EPHA8: variants seen among roughly 807,000 people sequenced by gnomAD.
The protein encoded by EPHA8 is ephrin type-A receptor 8.
EPHA8 carries 58 observed loss-of-function variants against 103.6 expected under a neutral mutation model. The observed-to-expected ratio is 0.56, with a 90% confidence interval of 0.45 to 0.70. The LOEUF (loss-of-function observed/expected upper bound fraction) is 0.70. Ranked by LOEUF, EPHA8 falls within the 30% of genes least tolerant of loss-of-function variation. The probability of loss-of-function intolerance (pLI) is 0.00; values close to 1 mark genes in which losing one functional copy is unlikely to be tolerated. For synonymous variants in EPHA8, 559 were observed against 572.5 expected, an observed-to-expected ratio of 0.98 and a Z score of 0.34; for missense variants, 1,304 against 1,395.2, an observed-to-expected ratio of 0.93 and a Z score of 1.04.
Position 22,598,730 on chromosome 1 carries a change from C to A in EPHA8, c.2179-108C>A. On this transcript the variant is annotated intron_variant, in intron 12 of 16. Coordinates refer to ENST00000166244, the MANE Select transcript of EPHA8 (RefSeq NM_020526.5). The surrounding 1 kb of genome is among the most constrained non-coding windows in gnomAD (Gnocchi z 5.1). The stretch of plus-strand genomic sequence containing the variant: ...AAGTAGTGGCGCACTTGGCAAATTG[C>A]AAAGCACCGTCTCAACTCGAGAGCA... 8.6e-7 allele frequency: 1 copy of A among 1,168,722 alleles called. No individual in the cohort carries two copies. Among genetic ancestry groups the A allele is most frequent in the Non-Finnish European group, 1.2e-6 (1 of 826,536 alleles). The allele number at this position is 1,168,722 out of a possible 1,614,324, so 72.4% of individuals were successfully genotyped here.
In EPHA8 at chr1:22,597,929, T is replaced by C; in HGVS notation, c.2116+68T>C. The C allele has an allele frequency of 6.4e-7, 1 of 1,551,584 alleles. No homozygotes were observed. The highest frequency in any genetic ancestry group is 8.8e-7 in the Non-Finnish European group (1 of 1,140,842). ...CTGCCTGGAGAGGCCTCTGGGTCCA[T>C]CCCCTCATCCATCCTGCTCTGCCCC... On this transcript the variant is annotated intron_variant, in intron 11 of 16. Coordinates refer to ENST00000166244, the MANE Select transcript of EPHA8 (RefSeq NM_020526.5). The surrounding 1 kb of genome is among the most constrained non-coding windows in gnomAD (Gnocchi z 4.6).
In EPHA8 at chr1:22,600,932, C is replaced by G; in HGVS notation, c.2573C>G (p.Pro858Arg). The G allele has an allele frequency of 1.2e-6, 2 of 1,611,672 alleles. No homozygotes were observed. Among genetic ancestry groups the G allele is most frequent in the Non-Finnish European group, 1.7e-6 (2 of 1,179,170 alleles). Residue 858 changes from proline (P) to arginine (R), a missense_variant, in exon 15 of 17, where the codon CCC becomes CGC. Transcript: ENST00000166244. ...TCTGTGGAGGAGGGGTACCGCCTGCCCGCACCCATGGGCTGCCCCCACGCC... is the reference window on the plus strand; with the variant it reads ...TCTGTGGAGGAGGGGTACCGCCTGCGCGCACCCATGGGCTGCCCCCACGCC... ...ISSVEEGYRLPAPMGCPHALH... is the reference protein window; with the variant it reads ...ISSVEEGYRLRAPMGCPHALH...
intron 5 of EPHA8, among the ~76,000 whole-genome samples, chr1:22,590,219 GC>G (rs1235976802): frequency 6.6e-6 from 1 of 152,160 alleles, no homozygotes; most frequent in Non-Finnish European, 1.5e-5. Context: ...CCCAGCCCTG[GC>G]CCACCTGTCT....
intron 4 of EPHA8, 142 bp downstream of exon 4, chr1:22,586,777 A>AGGTGG: frequency 7.3e-5 from 68 of 930,760 alleles, no homozygotes; most frequent in African/African-American, 8.5e-5. Context: ...GGCCAGTCTG[A>AGGTGG]GGTGGGGGGG....
At chr1:22,588,741 G>A (rs1360269653) in intron 4 of EPHA8, 130 bp from the exon 5 acceptor site, 1 of 1,472,712 alleles carries the variant, frequency 6.8e-7, no homozygotes, top group African/African-American at 1.4e-5. Context: ...GAGTAGATGT[G>A]GACCTTATCC....
chr1:22,576,987 A>T lies in EPHA8; in HGVS notation c.823+107A>T, dbSNP rs570340378. 1.6e-6 allele frequency: 2 copies of T among 1,274,326 alleles called. No individual in the cohort carries two copies. The highest frequency in any genetic ancestry group is 5.5e-5 in the Admixed American group (2 of 36,376). 78.9% of individuals were successfully genotyped at this position (1,274,326 alleles called of 1,614,324 possible). On this transcript the variant is annotated intron_variant, in intron 3 of 16. Coordinates refer to ENST00000166244, the MANE Select transcript of EPHA8 (RefSeq NM_020526.5). This position sits in a 1 kb window ranked among gnomAD's most constrained non-coding sequence, Gnocchi z 4.8. ...GTCAGAGCCCACAGGCACCTGAGTG[A>T]CCCACACAGCCCCTGGGAAGATGGA...
intron 2 of EPHA8, among the ~76,000 whole-genome samples, chr1:22,570,713 C>G (rs1410615433): frequency 2.0e-5 from 3 of 152,266 alleles, no homozygotes; most frequent in Admixed American, 6.5e-5. Context: ...CTCCCGGGAG[C>G]TGGGGGCAGG....
intron 2 of EPHA8, among the ~76,000 whole-genome samples, chr1:22,574,534 C>G (rs998688478): frequency 6.6e-6 from 1 of 152,206 alleles, no homozygotes; most frequent in Non-Finnish European, 1.5e-5. Context: ...ATCTGACTAT[C>G]TAGGTACTGC....
rs1162359849 is a variant in EPHA8 at position 22,597,948 on chromosome 1, C to G, written c.2116+87C>G. 5 of 1,514,290 alleles carry G rather than the reference C, an allele frequency of 3.3e-6. No homozygotes were observed. The highest frequency in any genetic ancestry group is 1.2e-5 in the South Asian group (1 of 82,046). 93.8% of individuals were successfully genotyped at this position (1,514,290 alleles called of 1,614,324 possible). A position where few individuals can be genotyped will look rare whatever the true frequency, so the allele number is the denominator to read the frequency against. ...GGTCCATCCCCTCATCCATCCTGCT[C>G]TGCCCCACCTGACCCTGTCCTCTTG... On this transcript the variant is annotated intron_variant, in intron 11 of 16. Transcript: ENST00000166244. The surrounding 1 kb of genome is among the most constrained non-coding windows in gnomAD (Gnocchi z 4.6).
At chr1:22,583,159 C>T (rs997294169) in intron 3 of EPHA8, among the ~76,000 whole-genome samples, 5 of 152,316 alleles carry the variant, frequency 3.3e-5, no homozygotes, top group African/African-American at 4.8e-5. Context: ...GCCCAACACC[C>T]GGGCACGTGC....
intron 2 of EPHA8, among the ~76,000 whole-genome samples, chr1:22,573,203 T>G (rs963225897): frequency 1.3e-5 from 2 of 152,102 alleles, no homozygotes; most frequent in African/African-American, 4.8e-5. Flanking sequence ...CTGGGGCCCC[T>G]TTGGAAGCAG....
chr1:22,597,831 A>G lies in EPHA8; in HGVS notation c.2086A>G (p.Ile696Val), dbSNP rs765456520. The G allele has an allele frequency of 1.9e-6, 3 of 1,612,310 alleles. No homozygotes were observed. Among genetic ancestry groups the G allele is most frequent in the East Asian group, 4.5e-5 (2 of 44,872 alleles). Residue 696 changes from isoleucine to valine, a missense_variant, in exon 11 of 17, where the codon ATC becomes GTC. Ile to Val is a conservative substitution (Grantham distance 29). Coordinates refer to ENST00000166244, the MANE Select transcript of EPHA8 (RefSeq NM_020526.5). This position sits in a 1 kb window ranked among gnomAD's most constrained non-coding sequence, Gnocchi z 4.6. Reference sequence around the variant, plus strand: ...CATGGGGCAATTCGACCATCCCAACATCATCCGCCTCGAGGGTGTCGTCAC... The same window carrying G: ...CATGGGGCAATTCGACCATCCCAACGTCATCCGCCTCGAGGGTGTCGTCAC... ...SIMGQFDHPN[I>V]IRLEGVVTRG...
chr1:22,601,877 C>G lies in EPHA8; in HGVS notation c.*136C>G. ...TCTCAGGTGCTGGAGGAGCTGAAGGCTTCGCCACAGGACCTGGAGTTATCA... is the reference window on the plus strand; with the variant it reads ...TCTCAGGTGCTGGAGGAGCTGAAGGGTTCGCCACAGGACCTGGAGTTATCA... On this transcript the variant is annotated 3_prime_UTR_variant, in exon 17 of 17. Coordinates refer to ENST00000166244, the MANE Select transcript of EPHA8 (RefSeq NM_020526.5). The G allele has an allele frequency of 1.1e-6, 1 of 884,100 alleles. No homozygotes were observed. The highest frequency in any genetic ancestry group is 1.7e-6 in the Non-Finnish European group (1 of 579,226). The allele number at this position is 884,100 out of a possible 1,614,324, so 54.8% of individuals were successfully genotyped here. A position where few individuals can be genotyped will look rare whatever the true frequency, so the allele number is the denominator to read the frequency against.
rs1385893051 is a variant in EPHA8, at chr1:22,569,976, C to A, written c.159+623C>A. Among the ~76,000 whole-genome samples the A allele has an allele frequency of 6.6e-6, 1 of 152,122 alleles. No individual in the cohort carries two copies. The highest frequency in any genetic ancestry group is 1.9e-4 in the East Asian group (1 of 5,182). ...GAGCCTGGTGAGATCCCAGCTCTGC[C>A]CTTGACAAGCAGGTGGACTTGGGTC... On this transcript the variant is annotated intron_variant, in intron 2 of 16. Transcript: ENST00000166244. The surrounding 1 kb of genome is among the most constrained non-coding windows in gnomAD (Gnocchi z 4.5).
intron 2 of EPHA8, among the ~76,000 whole-genome samples, chr1:22,575,820 G>A (rs970037240): frequency 6.6e-6 from 1 of 152,122 alleles, no homozygotes; most frequent in Non-Finnish European, 1.5e-5. Context: ...TCCTCTGGCA[G>A]CTGATATGGA....
chr1:22,593,886 G>A (rs1356377730), intron 7 of EPHA8, among the ~76,000 whole-genome samples, 200 bp downstream of exon 7: 2 of 152,244 alleles, frequency 1.3e-5, no homozygotes, highest in East Asian at 3.9e-4. Flanking sequence ...AGGCTGGAGT[G>A]CAGTGGTGCA....
Position 22,597,898 on chromosome 1 carries a change from C to A in EPHA8, c.2116+37C>A. 2.5e-6 allele frequency: 4 copies of A among 1,586,312 alleles called. No individual in the cohort carries two copies. Among genetic ancestry groups the A allele is most frequent in the Non-Finnish European group, 3.4e-6 (4 of 1,164,774 alleles). ...GCAAAGACAGCCTCCCCCTGCAGTG[C>A]CCCTCCTGCCTGGAGAGGCCTCTGG... On this transcript the variant is annotated intron_variant, in intron 11 of 16. Transcript: ENST00000166244. This position sits in a 1 kb window ranked among gnomAD's most constrained non-coding sequence, Gnocchi z 4.6.
In EPHA8 at chr1:22,601,874, A is replaced by G. The variant is rs765827052; in HGVS notation, c.*133A>G. The G allele has an allele frequency of 3.3e-6, 3 of 898,320 alleles. No homozygotes were observed. Among genetic ancestry groups the G allele is most frequent in the Non-Finnish European group, 5.1e-6 (3 of 592,018 alleles). The allele number at this position is 898,320 out of a possible 1,614,324, so 55.6% of individuals were successfully genotyped here. On this transcript the variant is annotated 3_prime_UTR_variant, in exon 17 of 17. Coordinates refer to ENST00000166244, the MANE Select transcript of EPHA8 (RefSeq NM_020526.5). ...TCCTCTCAGGTGCTGGAGGAGCTGA[A>G]GGCTTCGCCACAGGACCTGGAGTTA...
chr1:22,598,975 G>A lies in EPHA8; in HGVS notation c.2316G>A (p.Leu772=), dbSNP rs114129638. ...GCAACGTCCTGGTTGACAGCAACCT[G>A]GTCTGCAAGGTGTCTGACTTCGGGC... The part of the protein sequence containing the change: ...AARNVLVDSN[L]VCKVSDFGLS... The change falls in exon 13 of 17, where the codon CTG becomes CTA. Residue 772 remains leucine, a synonymous_variant. Transcript: ENST00000166244. The surrounding 1 kb of genome is among the most constrained non-coding windows in gnomAD (Gnocchi z 5.1). The A allele has an allele frequency of 3.8e-4, 611 of 1,612,016 alleles. 1 individual carries two copies. The African/African-American group carries it at 6.9e-3, about 18-fold the overall frequency.
Sources: allele counts gnomAD v4.1 joint callset (sites outside exome capture counted in the v4.1 genomes callset), GRCh38; gene constraint gnomAD v4.1.1; non-coding constraint Gnocchi (gnomAD v3.1); transcripts MANE v1.5; gene names NCBI Gene and HGNC (gene_info 2026-07-23, HGNC 2026-07-21).